Variants in LAMP3 observed in about 807,000 individuals in gnomAD.
The protein encoded by LAMP3 is lysosome-associated membrane glycoprotein 3.
In LAMP3, 26 loss-of-function variants were observed where a neutral mutation model predicts 34.8. That is an observed-to-expected ratio of 0.75 (90% confidence interval 0.55 to 1.04). The LOEUF (loss-of-function observed/expected upper bound fraction) is 1.04. Among genes scored for constraint, LAMP3 ranks in the 50% least tolerant of loss-of-function variants. The probability of loss-of-function intolerance (pLI) is 0.00; values close to 1 mark genes in which losing one functional copy is unlikely to be tolerated. For synonymous variants in LAMP3, 180 were observed against 201.9 expected (o/e 0.89, Z 0.92); for missense variants, 495 against 524.0 (o/e 0.94, Z 0.54).
intron 1 of LAMP3, among the ~76,000 whole-genome samples, chr3:183,160,697 A>G (rs1720950947): frequency 6.6e-6 from 1 of 152,190 alleles, no homozygotes; most frequent in South Asian, 2.1e-4. Context: ...ATAGGTAAGT[A>G]GATGTATGAG....
chr3:183,162,746 G>A, upstream of LAMP3: 25 of 1,207,156 alleles, frequency 2.1e-5, no homozygotes, highest in Non-Finnish European at 2.7e-5. Context: ...CCGGAGAAAC[G>A]AAACCACCTG....
At chr3:183,149,544 C>CA (rs1177679833) in intron 3 of LAMP3, among the ~76,000 whole-genome samples, 47 of 93,378 alleles carry the variant, frequency 5.0e-4, no homozygotes, top group Non-Finnish European at 6.1e-4. Flanking sequence ...GACTCCAACT[C>CA]AAAAAAAAAA....
chr3:183,133,287 C>A (rs147387418), intron 5 of LAMP3, among the ~76,000 whole-genome samples: 2 of 152,120 alleles, frequency 1.3e-5, no homozygotes. Flanking sequence ...GCTAGTTTGG[C>A]CTAGAGGGTT....
Position 183,154,383 on chromosome 3 carries a change from G to T in LAMP3, c.58C>A (p.His20Asn), listed in dbSNP as rs1272471059. The change falls in exon 2 of 6, where the codon CAC (histidine) becomes AAC (asparagine). Residue 20 changes from histidine (H) to asparagine (N), a missense_variant. Physicochemically the swap from His to Asn is moderately conservative, Grantham distance 68. Transcript: ENST00000265598. Reference sequence around the variant, plus strand: ...TTTGCTCTCATTTGACTGCCATCGTGCAAAATTACTGAAAATTAGGAAATA... The same window carrying T: ...TTTGCTCTCATTTGACTGCCATCGTTCAAAATTACTGAAAATTAGGAAATA... Reference protein sequence around the residue: ...ALFASLAVILHDGSQMRAKAF... With the variant: ...ALFASLAVILNDGSQMRAKAF... 1 of 1,591,344 alleles carries T rather than the reference G, an allele frequency of 6.3e-7. No homozygotes were observed. The highest frequency in any genetic ancestry group is 8.5e-7 in the Non-Finnish European group (1 of 1,169,748).
intron 4 of LAMP3, among the ~76,000 whole-genome samples, chr3:183,137,820 C>T (rs371909692): frequency 2.0e-5 from 3 of 151,002 alleles, no homozygotes; most frequent in African/African-American, 7.3e-5. Flanking sequence ...CCCTTCCCCC[C>T]ACCTTTTTTT....
Position 183,153,273 on chromosome 3 carries a change from G to A in LAMP3, c.759+409C>T, listed in dbSNP as rs1335566510. 5.3e-5 allele frequency among the ~76,000 whole-genome samples: 8 copies of A among 151,882 alleles called. 1 individual carries two copies. The highest frequency in any genetic ancestry group is 2.6e-4 in the Admixed American group (4 of 15,250). ...CTCCCTCGGTTTTCTTGTTCATGTGGATTTCCACATTAATGTCAAAACTGC... is the reference window on the plus strand; with the variant it reads ...CTCCCTCGGTTTTCTTGTTCATGTGAATTTCCACATTAATGTCAAAACTGC... On this transcript the variant is annotated intron_variant, in intron 2 of 5. Coordinates refer to ENST00000265598, the MANE Select transcript of LAMP3 (RefSeq NM_014398.4).
At chr3:183,133,363 G>C (rs1295751072) in intron 5 of LAMP3, among the ~76,000 whole-genome samples, 1 of 152,144 alleles carries the variant, frequency 6.6e-6, no homozygotes, top group Non-Finnish European at 1.5e-5. Context: ...TCCAACTCTA[G>C]TAATAGTTTG....
intron 3 of LAMP3, among the ~76,000 whole-genome samples, chr3:183,143,702 C>T (rs140052836): frequency 4.0e-5 from 6 of 151,070 alleles, no homozygotes; most frequent in African/African-American, 1.5e-4. Context: ...TGTCTCTTTC[C>T]AAGAAAAAAA....
At chr3:183,148,605 A>C (rs1444672130) in intron 3 of LAMP3, among the ~76,000 whole-genome samples, 1 of 152,252 alleles carries the variant, frequency 6.6e-6, no homozygotes, top group Admixed American at 6.5e-5. Context: ...GCTCAACACC[A>C]CTGATCATAA....
In LAMP3 at chr3:183,153,975, T is replaced by C. The variant is rs769932953; in HGVS notation, c.466A>G (p.Thr156Ala). Residue 156 changes from threonine (T) to alanine (A), a missense_variant, in exon 2 of 6, where the codon ACT (threonine) becomes GCT (alanine). Physicochemically the swap from Thr to Ala is moderately conservative, Grantham distance 58 (BLOSUM62 0). Coordinates refer to ENST00000265598, the MANE Select transcript of LAMP3 (RefSeq NM_014398.4). Reference sequence around the variant, plus strand: ...TTACTGGGTTGAGTGGTGTTCCCAGTTGTGTGGCTGACGGTTGATGAACTG... The same window carrying C: ...TTACTGGGTTGAGTGGTGTTCCCAGCTGTGTGGCTGACGGTTGATGAACTG... The part of the protein sequence containing the change: ...GTSSSTVSHT[T>A]GNTTQPSNQT... 2 of 1,613,986 alleles carry C rather than the reference T, an allele frequency of 1.2e-6. No homozygotes were observed. Among genetic ancestry groups the C allele is most frequent in the Non-Finnish European group, 1.7e-6 (2 of 1,180,022 alleles).
chr3:183,135,037 A>G (rs747000077), intron 5 of LAMP3, among the ~76,000 whole-genome samples: 1 of 152,188 alleles, frequency 6.6e-6, no homozygotes, highest in Non-Finnish European at 1.5e-5. Context: ...AAGGGAGAAG[A>G]GGGCTTTTCT....
At chr3:183,138,809 C>T (rs616035) in intron 4 of LAMP3, among the ~76,000 whole-genome samples, 130 of 152,076 alleles carry the variant, frequency 8.5e-4, no homozygotes, top group Admixed American at 3.3e-3. Context: ...TGGCCTGGCT[C>T]TCTGTCCCTC....
rs1441573952 is a variant in LAMP3, at chr3:183,147,309, A to C, written c.888+5066T>G. ...GGAAGTCACTGAGAATGGACATTGGACCATCCCAAATAAATGCCATAAAAG... is the reference window on the plus strand; with the variant it reads ...GGAAGTCACTGAGAATGGACATTGGCCCATCCCAAATAAATGCCATAAAAG... On this transcript the variant is annotated intron_variant, in intron 3 of 5. Coordinates refer to ENST00000265598, the MANE Select transcript of LAMP3 (RefSeq NM_014398.4). Among the ~76,000 whole-genome samples, 3 of 152,186 alleles carry C rather than the reference A, an allele frequency of 2.0e-5. No homozygotes were observed. The East Asian group carries it at 5.8e-4, about 29-fold the overall frequency.
upstream of LAMP3, among the ~76,000 whole-genome samples, chr3:183,163,083 G>A (rs984483325): frequency 4.0e-5 from 6 of 151,618 alleles, no homozygotes; most frequent in Admixed American, 3.9e-4. Flanking sequence ...TCAGCCTCCC[G>A]AGTAGCTGGG....
At chr3:183,127,449 T>C (rs1719808007) in intron 5 of LAMP3, among the ~76,000 whole-genome samples, 1 of 152,174 alleles carries the variant, frequency 6.6e-6, no homozygotes, top group South Asian at 2.1e-4. Context: ...TGAATAGTTA[T>C]GTCACTGTTT....
intron 4 of LAMP3, among the ~76,000 whole-genome samples, chr3:183,136,700 T>A: frequency 7.0e-6 from 1 of 143,324 alleles, no homozygotes; most frequent in Non-Finnish European, 1.5e-5. Context: ...GTTGCATCCA[T>A]CCACAGAAAC....
In LAMP3 at chr3:183,142,293, G is replaced by C. The variant is rs995953714; in HGVS notation, c.889-1698C>G. Among the ~76,000 whole-genome samples, 50 of 152,066 alleles carry C rather than the reference G, an allele frequency of 3.3e-4. 1 individual carries two copies. The highest frequency in any genetic ancestry group is 1.1e-3 in the Admixed American group (17 of 15,254). ...TAAGCAGGGCAGTGACATGAGCATA[G>C]CTTTGTTTTTGTAAATGGCTCGGGC... On this transcript the variant is annotated intron_variant, in intron 3 of 5. Transcript: ENST00000265598.
At chr3:183,155,476 T>C (rs1720796854) in intron 1 of LAMP3, among the ~76,000 whole-genome samples, 1 of 152,260 alleles carries the variant, frequency 6.6e-6, no homozygotes, top group Non-Finnish European at 1.5e-5. Context: ...CTTTGTGTTC[T>C]GGCTTTCATG....
intron 3 of LAMP3, among the ~76,000 whole-genome samples, chr3:183,144,934 C>T (rs1323225629): frequency 6.6e-6 from 1 of 152,150 alleles, no homozygotes; most frequent in African/African-American, 2.4e-5. Flanking sequence ...GGGGAAACAA[C>T]AGGTGGGTCT....
Sources: gnomAD v4.1 joint callset for allele counts (sites outside exome capture counted in the v4.1 genomes callset) on GRCh38, gnomAD v4.1.1 for gene constraint, MANE v1.5 for transcripts, NCBI Gene and HGNC (gene_info 2026-07-23, HGNC 2026-07-21) for gene names.